Variants in TDRD3 observed in about 807,000 individuals in gnomAD.
TDRD3 encodes tudor domain containing 3, also known as tudor domain-containing protein 3.
A neutral mutation model predicts 86.7 loss-of-function variants in TDRD3; 45 were observed. The ratio of observed to expected loss-of-function variants is 0.52; its 90% CI spans 0.41 to 0.67. TDRD3 has a LOEUF of 0.67. Among genes scored for constraint, TDRD3 ranks in the 30% least tolerant of loss-of-function variants. The pLI is 0.00. For missense variants in TDRD3, 814 were observed against 889.0 expected (o/e 0.92, Z 1.07); for synonymous variants, 298 against 301.7 (o/e 0.99, Z 0.13).
chr13:60,508,207 A>T (rs560842878), intron 8 of TDRD3, among the ~76,000 whole-genome samples: 50 of 152,364 alleles, frequency 3.3e-4, no homozygotes, highest in African/African-American at 1.2e-3. Context: ...AGTAATGTAT[A>T]GATTCAGTGC....
At chr13:60,458,188 A>C (rs1430519342) in intron 3 of TDRD3, among the ~76,000 whole-genome samples, 1 of 152,198 alleles carries the variant, frequency 6.6e-6, no homozygotes, top group Admixed American at 6.5e-5. Flanking sequence ...ATAGTCAACC[A>C]GATGTAGGAG....
At chr13:60,434,464 TA>T (rs774279549) in intron 1 of TDRD3, among the ~76,000 whole-genome samples, 2,257 of 130,700 alleles carry the variant, frequency 0.017, 21 homozygotes, top group African/African-American at 0.019. Context: ...AGACCCTGTT[TA>T]AAAAAAAAAA....
At position 60,526,637 on chromosome 13, in the gene TDRD3, G is replaced by T. The variant is rs148176029; in HGVS notation, c.1142-1730G>T. Among the ~76,000 whole-genome samples the T allele has an allele frequency of 5.2e-3, 755 of 144,944 alleles. 3 individuals are homozygous for T. The highest frequency in any genetic ancestry group is 0.024 in the Middle Eastern group (7 of 286). On this transcript the variant is annotated intron_variant, in intron 10 of 13. Transcript: ENST00000377881. ...GAAAGTTTTTTTTTTTTTTTTTAAA[G>T]ATCTCTCTTATGGCCTTGGCTAATA... is the stretch of plus-strand genomic sequence containing the variant.
intron 1 of TDRD3, among the ~76,000 whole-genome samples, chr13:60,406,651 C>T (rs1417014820): frequency 6.6e-6 from 1 of 152,092 alleles, no homozygotes; most frequent in Non-Finnish European, 1.5e-5. Context: ...CTTTAGAATG[C>T]ATTATAAAGT....
chr13:60,507,050 G>A (rs1023424567), intron 8 of TDRD3, among the ~76,000 whole-genome samples: 6 of 152,132 alleles, frequency 3.9e-5, no homozygotes, highest in Non-Finnish European at 7.3e-5. Context: ...TGCAGGGGTT[G>A]CAATCCTAGT....
chr13:60,489,387 T>G (rs1956526682), intron 7 of TDRD3, among the ~76,000 whole-genome samples: 1 of 152,218 alleles, frequency 6.6e-6, no homozygotes, highest in South Asian at 2.1e-4. Flanking sequence ...CTATTTAATT[T>G]TGAAGTGTAA....
At chr13:60,397,626 C>CCGGGCGG (rs1396170917) in intron 1 of TDRD3, among the ~76,000 whole-genome samples, 81 of 94,302 alleles carry the variant, frequency 8.6e-4, no homozygotes, top group African/African-American at 2.3e-3. Flanking sequence ...GGCCTGGGCC[C>CCGGGCGG]CGGGCGGCGG....
At chr13:60,537,586 A>C (rs1298042787) in intron 12 of TDRD3, 1 of 152,062 alleles carries the variant, frequency 6.6e-6, no homozygotes, top group East Asian at 1.9e-4. Flanking sequence ...AATGTACAAA[A>C]TTATCAAAAA....
In TDRD3 at chr13:60,422,071, C is replaced by G. The variant is rs555808700; in HGVS notation, c.42-17617C>G. ...GGTGTGTGAATTAAAGGGATAGATT[C>G]TATTTAAATGGGTAAGTCTGATTTC... On this transcript the variant is annotated intron_variant, in intron 1 of 13. Transcript: ENST00000377881. 2.6e-5 allele frequency among the ~76,000 whole-genome samples: 4 copies of G among 152,194 alleles called. No individual in the cohort carries two copies. The East Asian group carries it at 7.7e-4, about 29-fold the overall frequency.
intron 12 of TDRD3, chr13:60,547,581 C>G (rs73542983): frequency 0.15 from 25,583 of 172,372 alleles, 2,149 homozygotes; most frequent in African/African-American, 0.22. Context: ...TATAACCTCC[C>G]AAGAGCTATA....
rs1266245534 is a variant in TDRD3, at chr13:60,557,885, CA to C, written c.2119-9638del. Among the ~76,000 whole-genome samples the C allele has an allele frequency of 1.5e-4, 20 of 131,696 alleles. No homozygotes were observed. The East Asian group carries it at 3.4e-3, about 22-fold the overall frequency. The allele number at this position is 131,696 out of a possible 152,430, so 86.4% of individuals were successfully genotyped here. A position where few individuals can be genotyped will look rare whatever the true frequency, so the allele number is the denominator to read the frequency against. ...TGTCACCAGGCTGGAGTGCAGTGTGCAATCTCGGCTCACTGCAACCTCCACC... is the reference window on the plus strand; with the variant it reads ...TGTCACCAGGCTGGAGTGCAGTGTGCATCTCGGCTCACTGCAACCTCCACC... On this transcript the variant is annotated intron_variant, in intron 12 of 13. Coordinates refer to ENST00000377881, the MANE Select transcript of TDRD3 (RefSeq NM_001146070.2).
chr13:60,458,027 T>C (rs1263530996), intron 3 of TDRD3, among the ~76,000 whole-genome samples: 1 of 152,154 alleles, frequency 6.6e-6, no homozygotes, highest in Non-Finnish European at 1.5e-5. Flanking sequence ...GGTGGACTTG[T>C]CTTTTGGTGG....
chr13:60,399,006 A>T (rs148995203), intron 1 of TDRD3, among the ~76,000 whole-genome samples: 2 of 152,168 alleles, frequency 1.3e-5, no homozygotes, highest in African/African-American at 4.8e-5. Context: ...CTGCTTTCCA[A>T]CATGACCCCC....
At chr13:60,429,956 T>C (rs1954913036) in intron 1 of TDRD3, among the ~76,000 whole-genome samples, 2 of 152,304 alleles carry the variant, frequency 1.3e-5, no homozygotes, top group South Asian at 4.1e-4. Context: ...ATTTAGCACC[T>C]ACTGTATTCC....
At chr13:60,404,242 A>T (rs111295266) in intron 1 of TDRD3, among the ~76,000 whole-genome samples, 29,415 of 151,906 alleles carry the variant, frequency 0.19, 3,492 homozygotes, top group South Asian at 0.29. Context: ...TAAGGAAAAA[A>T]CAAGGCACAT....
upstream of TDRD3, among the ~76,000 whole-genome samples, chr13:60,396,229 C>G (rs547087025): frequency 1.1e-3 from 173 of 152,354 alleles, no homozygotes; most frequent in Non-Finnish European, 2.0e-3. Context: ...CTTCCCCTGA[C>G]CTGGCAGATG....
At chr13:60,499,383 A>C (rs73208076) in intron 8 of TDRD3, among the ~76,000 whole-genome samples, 23,249 of 152,294 alleles carry the variant, frequency 0.15, 2,175 homozygotes, top group South Asian at 0.28. Flanking sequence ...TTGACTTGGC[A>C]AATGCCTTTT....
chr13:60,523,580 T>C (rs991465892), intron 10 of TDRD3, among the ~76,000 whole-genome samples: 12 of 143,742 alleles, frequency 8.3e-5, no homozygotes, highest in African/African-American at 2.1e-4. Context: ...TTTCTTTTTT[T>C]TTTTTTTTTT....
At position 60,397,403 on chromosome 13, in the gene TDRD3, T is replaced by C. The variant is rs1407674050; in HGVS notation, c.39T>C (p.Gly13=). The change falls in exon 1 of 14, where the codon GGT becomes GGC. Residue 13 remains glycine (G), a splice_region_variant and synonymous_variant. Transcript: ENST00000377881. ...QVAGAALSQA[G]WYLSDEGIEA... is the part of the protein sequence containing the mutation. ...CCGGCGCGGCGTTGTCCCAGGCGGGTTGGTAAGTGGCGAGTCCCGCCGGCT... is the reference window on the plus strand; with the variant it reads ...CCGGCGCGGCGTTGTCCCAGGCGGGCTGGTAAGTGGCGAGTCCCGCCGGCT... 43 of 1,493,766 alleles carry C rather than the reference T, an allele frequency of 2.9e-5. No homozygotes were observed. Among genetic ancestry groups the C allele is most frequent in the Non-Finnish European group, 3.6e-5 (41 of 1,123,602 alleles). 92.5% of individuals were successfully genotyped at this position (1,493,766 alleles called of 1,614,324 possible).
Sources: allele counts gnomAD v4.1 joint callset (sites outside exome capture counted in the v4.1 genomes callset), GRCh38; gene constraint gnomAD v4.1.1; transcripts MANE v1.5; gene names NCBI Gene and HGNC (gene_info 2026-07-23, HGNC 2026-07-21).